The following TMEM108 variants were observed in gnomAD, a reference collection of about 807,000 sequenced individuals.
The protein encoded by TMEM108 is cancer/testis antigen 124.
Under a neutral mutation model 35.1 loss-of-function variants are expected in TMEM108, and 12 were observed. The ratio of observed to expected loss-of-function variants is 0.34; its 90% CI spans 0.22 to 0.55. The LOEUF is 0.55. TMEM108 is among the 20% of genes least tolerant of loss of function. The pLI is 0.89. For missense variants in TMEM108, 680 were observed against 753.3 expected, an observed-to-expected ratio of 0.90 and a Z score of 1.14; for synonymous variants, 287 against 308.6, an observed-to-expected ratio of 0.93 and a Z score of 0.73.
chr3:133,388,254 A>G (rs2107856508), intron 4 of TMEM108: 1 of 985,494 alleles, frequency 1.0e-6, no homozygotes, highest in Non-Finnish European at 1.2e-6. Flanking sequence ...AGTGAAAGGT[A>G]GTGACAATGA....
chr3:133,221,683 T>TC (rs1553749728), intron 2 of TMEM108, among the ~76,000 whole-genome samples: 2 of 113,332 alleles, frequency 1.8e-5, no homozygotes, highest in Non-Finnish European at 3.6e-5. Context: ...TTTTTTTTTT[T>TC]CACTTTTGTG....
At chr3:133,333,466 A>T (rs1315327682) in intron 3 of TMEM108, among the ~76,000 whole-genome samples, 1 of 152,226 alleles carries the variant, frequency 6.6e-6, no homozygotes, top group African/African-American at 2.4e-5. Flanking sequence ...CAGAGGCCCA[A>T]AGAAAGTAAT....
chr3:133,377,595 T>C (rs1458463988), intron 3 of TMEM108, among the ~76,000 whole-genome samples: 1 of 152,182 alleles, frequency 6.6e-6, no homozygotes, highest in Non-Finnish European at 1.5e-5. Context: ...CACCAAGTGG[T>C]CATATGGATT....
intron 2 of TMEM108, among the ~76,000 whole-genome samples, chr3:133,122,425 G>A (rs1944363262): frequency 6.6e-6 from 1 of 152,226 alleles, no homozygotes; most frequent in South Asian, 2.1e-4. Context: ...TGGTTTTAAA[G>A]ACCCCTGTGT....
chr3:133,298,986 G>A (rs937158710), intron 3 of TMEM108, among the ~76,000 whole-genome samples: 7 of 152,310 alleles, frequency 4.6e-5, no homozygotes, highest in Middle Eastern at 3.4e-3. Flanking sequence ...CTGACAGACA[G>A]GGGTGACAGT....
intron 3 of TMEM108, among the ~76,000 whole-genome samples, chr3:133,263,545 A>C (rs998604399): frequency 3.9e-5 from 6 of 152,216 alleles, no homozygotes; most frequent in African/African-American, 1.4e-4. Context: ...CTTGAGTGAT[A>C]ATACTTAGAG....
intron 2 of TMEM108, among the ~76,000 whole-genome samples, chr3:133,048,610 C>G (rs1046250354): frequency 6.6e-6 from 1 of 152,152 alleles, no homozygotes; most frequent in Middle Eastern, 3.2e-3. Flanking sequence ...TTTGCATTCC[C>G]CCTTGCTGTG....
intron 2 of TMEM108, among the ~76,000 whole-genome samples, chr3:133,105,951 G>T (rs552741132): frequency 1.3e-5 from 2 of 152,222 alleles, no homozygotes; most frequent in African/African-American, 4.8e-5. Context: ...AAGGGTAAAG[G>T]TCCTTCTAAA....
intron 3 of TMEM108, among the ~76,000 whole-genome samples, chr3:133,254,162 A>G (rs1320022587): frequency 6.6e-6 from 1 of 152,220 alleles, no homozygotes; most frequent in African/African-American, 2.4e-5. Context: ...ACATAGCAAG[A>G]TCTCATCTCT....
intron 2 of TMEM108, among the ~76,000 whole-genome samples, chr3:133,122,284 T>C (rs1314508600): frequency 6.6e-6 from 1 of 152,192 alleles, no homozygotes; most frequent in Non-Finnish European, 1.5e-5. Flanking sequence ...AGCCCTAATG[T>C]GATTTCTAAT....
chr3:133,153,765 C>G (rs1944835190), intron 2 of TMEM108, among the ~76,000 whole-genome samples: 1 of 152,110 alleles, frequency 6.6e-6, no homozygotes, highest in Admixed American at 6.6e-5. Context: ...GAGGAACTTT[C>G]AGTGTCAAAA....
At chr3:133,090,877 C>G (rs990579055) in intron 2 of TMEM108, among the ~76,000 whole-genome samples, 6 of 152,048 alleles carry the variant, frequency 3.9e-5, no homozygotes, top group African/African-American at 1.4e-4. Flanking sequence ...ATATGGAGCT[C>G]CCAGAATTTA....
chr3:133,270,174 C>A (rs577711781), intron 3 of TMEM108, among the ~76,000 whole-genome samples: 2 of 152,284 alleles, frequency 1.3e-5, no homozygotes, highest in Non-Finnish European at 2.9e-5. Flanking sequence ...GTCCTCCTTT[C>A]CTTACTCGGC....
intron 2 of TMEM108, among the ~76,000 whole-genome samples, chr3:133,073,098 A>T (rs1193760023): frequency 6.6e-6 from 1 of 152,182 alleles, no homozygotes; most frequent in Non-Finnish European, 1.5e-5. Context: ...GCTAATTAAA[A>T]TATGAATTAT....
At chr3:133,294,617 G>C (rs1947117353) in intron 3 of TMEM108, among the ~76,000 whole-genome samples, 1 of 152,278 alleles carries the variant, frequency 6.6e-6, no homozygotes, top group Non-Finnish European at 1.5e-5. Context: ...GCAATATTGA[G>C]ATGTATTTTT....
At chr3:133,153,082 T>C (rs985086613) in intron 2 of TMEM108, among the ~76,000 whole-genome samples, 1 of 152,104 alleles carries the variant, frequency 6.6e-6, no homozygotes, top group African/African-American at 2.4e-5. Context: ...GAAAATCAAA[T>C]TTGATTTGTG....
intron 2 of TMEM108, among the ~76,000 whole-genome samples, chr3:133,227,665 GAT>G: frequency 6.6e-6 from 1 of 151,786 alleles, no homozygotes; most frequent in African/African-American, 2.4e-5. Flanking sequence ...GGGAGGCTGA[GAT>G]GGGCAGATCA....
At chr3:133,285,397 A>G (rs1261370035) in intron 3 of TMEM108, among the ~76,000 whole-genome samples, 1 of 152,128 alleles carries the variant, frequency 6.6e-6, no homozygotes, top group African/African-American at 2.4e-5. Context: ...CGGAGTTGGG[A>G]AGGAAGTCCA....
chr3:133,093,286 C>T (rs112798757), intron 2 of TMEM108, among the ~76,000 whole-genome samples: 2 of 152,096 alleles, frequency 1.3e-5, no homozygotes, highest in African/African-American at 2.4e-5. Context: ...CCACCGCGCC[C>T]GGTCATAGGT....
Sources: allele counts gnomAD v4.1 joint callset (sites outside exome capture counted in the v4.1 genomes callset), GRCh38; gene constraint gnomAD v4.1.1; transcripts MANE v1.5; gene names NCBI Gene and HGNC (gene_info 2026-07-23, HGNC 2026-07-21).